CDK12: variants seen among roughly 807,000 people sequenced by gnomAD.
The protein encoded by CDK12 is cyclin dependent kinase 12.
In CDK12, 17 loss-of-function variants were observed where a neutral mutation model predicts 133.8. The observed-to-expected ratio is 0.13, with a 90% CI of 0.09 to 0.19. The LOEUF (loss-of-function observed/expected upper bound fraction) is 0.19. Among genes scored for constraint, CDK12 ranks in the 10% least tolerant of loss-of-function variants. The pLI is 1.00. For missense variants in CDK12, 1,508 were observed against 1,818.7 expected (o/e 0.83, Z 3.11); for synonymous variants, 694 against 683.6 (o/e 1.02, Z -0.24).
chr17:39,543,144 C>T (rs1015013568), upstream of CDK12, among the ~76,000 whole-genome samples: 4 of 152,148 alleles, frequency 2.6e-5, no homozygotes, highest in African/African-American at 9.7e-5. Context: ...TGATAGAACT[C>T]AGCAAAAAGA....
At chr17:39,499,214 T>TCTTTCCTTTCTTTCCTTTC (rs1344804298) in intron 5 of CDK12, among the ~76,000 whole-genome samples, 1 of 105,194 alleles carries the variant, frequency 9.5e-6, no homozygotes. Flanking sequence ...TTTCCTTTTT[T>TCTTTCCTTTCTTTCCTTTC]TTTTTTTTTT....
upstream of CDK12, chr17:39,549,707 G>T (rs1184942484): frequency 6.6e-6 from 1 of 151,536 alleles, no homozygotes; most frequent in Non-Finnish European, 1.5e-5. Flanking sequence ...ATTTTTACAT[G>T]TCCCCCTATA....
chr17:39,527,264 T>C (rs1191115779), intron 13 of CDK12, among the ~76,000 whole-genome samples: 2 of 152,236 alleles, frequency 1.3e-5, no homozygotes, highest in African/African-American at 4.8e-5. Context: ...CCAGAAGTTG[T>C]TGGATTTACT....
Position 39,489,789 on chromosome 17 carries a change from G to A in CDK12, c.1932-768G>A, listed in dbSNP as rs567678761. 1.1e-4 allele frequency among the ~76,000 whole-genome samples: 14 copies of A among 131,968 alleles called. No homozygotes were observed. The South Asian group carries it at 3.9e-3, about 36-fold the overall frequency. The allele number at this position is 131,968 out of a possible 152,430, so 86.6% of individuals were successfully genotyped here. A position where few individuals can be genotyped will look rare whatever the true frequency, so the allele number is the denominator to read the frequency against. Reference sequence around the variant, plus strand: ...TTACAGGCTTGAGCCACCGTGCCTGGCCTAATTTTTTTTTTTTTTTTTTAA... The same window carrying A: ...TTACAGGCTTGAGCCACCGTGCCTGACCTAATTTTTTTTTTTTTTTTTTAA... On this transcript the variant is annotated intron_variant, in intron 2 of 13. Coordinates refer to ENST00000447079, the MANE Select transcript of CDK12 (RefSeq NM_016507.4).
intron 7 of CDK12, 136 bp from the exon 8 acceptor site, chr17:39,511,393 G>A: frequency 1.7e-6 from 1 of 579,120 alleles, no homozygotes; most frequent in East Asian, 2.8e-5. Context: ...TTTGCTTTTG[G>A]AGTGTTAGGT....
chr17:39,542,234 T>C (rs2055458573), intron 1 of CDK12, among the ~76,000 whole-genome samples: 1 of 152,080 alleles, frequency 6.6e-6, no homozygotes, highest in Non-Finnish European at 1.5e-5. Context: ...TCACTCAGGC[T>C]GGAGTGCAAT....
At chr17:39,539,627 C>G (rs1359985951) in intron 1 of CDK12, among the ~76,000 whole-genome samples, 4 of 152,164 alleles carry the variant, frequency 2.6e-5, no homozygotes, top group Admixed American at 1.3e-4. Flanking sequence ...GTCCCACCTT[C>G]AGGAAGCTTC....
chr17:39,502,374 C>CT (rs2052783996), intron 6 of CDK12, among the ~76,000 whole-genome samples: 1 of 147,972 alleles, frequency 6.8e-6, no homozygotes, highest in Admixed American at 6.8e-5. Flanking sequence ...AGGATGGTCT[C>CT]TATCTCCTGA....
At chr17:39,489,117 G>C (rs1421327796) in intron 2 of CDK12, among the ~76,000 whole-genome samples, 2 of 144,956 alleles carry the variant, frequency 1.4e-5, no homozygotes, top group African/African-American at 5.2e-5. Context: ...GTCTCACTCT[G>C]TCTCTCCGGC....
At chr17:39,486,606 A>G (rs1421824433) in intron 2 of CDK12, among the ~76,000 whole-genome samples, 1 of 152,144 alleles carries the variant, frequency 6.6e-6, no homozygotes, top group Non-Finnish European at 1.5e-5. Context: ...ACCAAGAAGA[A>G]ATCTGTTTTG....
intron 1 of CDK12, among the ~76,000 whole-genome samples, chr17:39,464,660 A>G (rs972106853): frequency 3.3e-5 from 5 of 152,026 alleles, no homozygotes; most frequent in Non-Finnish European, 7.4e-5. Flanking sequence ...TTCCTCCTCC[A>G]TTTTATTATA....
intron 13 of CDK12, among the ~76,000 whole-genome samples, chr17:39,528,240 A>T (rs1437377483): frequency 6.6e-6 from 1 of 152,116 alleles, no homozygotes; most frequent in Non-Finnish European, 1.5e-5. Flanking sequence ...ACTTTTAAGG[A>T]TTGACAACAT....
chr17:39,503,787 A>G (rs1489164812), intron 6 of CDK12, among the ~76,000 whole-genome samples: 1 of 152,156 alleles, frequency 6.6e-6, no homozygotes, highest in Admixed American at 6.6e-5. Context: ...GATGGCCTGG[A>G]GAAAATGGTG....
rs2053132486 is a variant in CDK12 at position 39,506,418 on chromosome 17, T to C, written c.2610-3287T>C. ...TTAGTAGAGACGGGGTTTCACCATG[T>C]TGGCCAGGCTGGGTCTCAAACCTCT... On this transcript the variant is annotated intron_variant, in intron 6 of 13. Transcript: ENST00000447079. Among the ~76,000 whole-genome samples, 4 of 151,398 alleles carry C rather than the reference T, an allele frequency of 2.6e-5. No homozygotes were observed. In the South Asian group the frequency reaches 8.3e-4, roughly 32 times the overall value.
chr17:39,472,129 A>G (rs748404866), intron 2 of CDK12, among the ~76,000 whole-genome samples: 30 of 151,850 alleles, frequency 2.0e-4, no homozygotes, highest in Non-Finnish European at 3.4e-4. Context: ...GACTACAGGC[A>G]TGCACCACCA....
intron 11 of CDK12, among the ~76,000 whole-genome samples, chr17:39,522,405 T>C (rs1020751781): frequency 2.0e-5 from 3 of 151,128 alleles, no homozygotes; most frequent in Admixed American, 2.0e-4. Context: ...CAGTTTTAAA[T>C]GGTTTGCATC....
chr17:39,519,298 CTTTTTTTTTTTT>C (rs386386050), intron 10 of CDK12, among the ~76,000 whole-genome samples: 2 of 53,976 alleles, frequency 3.7e-5, no homozygotes, highest in Non-Finnish European at 6.4e-5. Context: ...AATTCAAAGA[CTTTTTTTTTTTT>C]TTTTTTTTTT....
At chr17:39,520,821 C>T (rs113252410) in intron 11 of CDK12, among the ~76,000 whole-genome samples, 15,931 of 152,010 alleles carry the variant, frequency 0.1, 910 homozygotes, top group African/African-American at 0.15. Flanking sequence ...CCACCACACC[C>T]GGCTAATTTT....
intron 13 of CDK12, chr17:39,530,249 C>G (rs1043365507): frequency 2.0e-5 from 4 of 198,528 alleles, no homozygotes; most frequent in African/African-American, 9.4e-5. Flanking sequence ...TTCCTTCCTT[C>G]TGCTTTGTTT....
Sources: gnomAD v4.1 joint callset for allele counts (sites outside exome capture counted in the v4.1 genomes callset) on GRCh38, gnomAD v4.1.1 for gene constraint, MANE v1.5 for transcripts, NCBI Gene and HGNC (gene_info 2026-07-23, HGNC 2026-07-21) for gene names.